The following SNTG2 variants were observed in gnomAD, a reference collection of about 807,000 sequenced individuals.
The protein encoded by SNTG2 is syntrophin gamma 2.
In SNTG2, 74 loss-of-function variants were observed where a neutral mutation model predicts 70.9. The observed-to-expected ratio is 1.04, with a 90% CI of 0.86 to 1.27. The LOEUF (loss-of-function observed/expected upper bound fraction) is 1.27, where lower values mean the gene tolerates loss of function less well. Among genes scored for constraint, SNTG2 ranks in the 50% most tolerant of loss-of-function variants. The pLI is 0.00. For synonymous variants in SNTG2, 278 were observed against 273.8 expected (o/e 1.02, Z -0.15); for missense variants, 717 against 690.7 (o/e 1.04, Z -0.43).
intron 8 of SNTG2, among the ~76,000 whole-genome samples, chr2:1,197,098 G>C (rs1267817330): frequency 6.6e-6 from 1 of 152,034 alleles, no homozygotes; most frequent in Non-Finnish European, 1.5e-5. Context: ...AAAATGACAG[G>C]AATAAGTCCT....
At chr2:1,137,598 G>A (rs1207721733) in intron 4 of SNTG2, 24 bp from the exon 5 acceptor site, 1 of 1,610,574 alleles carries the variant, frequency 6.2e-7, no homozygotes, top group Non-Finnish European at 8.5e-7. Context: ...TCTTAAAACT[G>A]TTGCCACTTT....
At chr2:1,119,007 A>G (rs75303680) in intron 4 of SNTG2, among the ~76,000 whole-genome samples, 1 of 152,326 alleles carries the variant, frequency 6.6e-6, no homozygotes, top group East Asian at 1.9e-4. Context: ...AGGCAAAAAA[A>G]GGATAATTTT....
chr2:1,229,419 G>A (rs988066443), intron 9 of SNTG2, among the ~76,000 whole-genome samples: 24 of 152,168 alleles, frequency 1.6e-4, no homozygotes, highest in Non-Finnish European at 3.2e-4. Context: ...GGTGCTGATT[G>A]GCGTGTTTAC....
chr2:969,503 G>A (rs1660673371), intron 1 of SNTG2, among the ~76,000 whole-genome samples: 1 of 152,100 alleles, frequency 6.6e-6, no homozygotes, highest in East Asian at 1.9e-4. Context: ...AGCATGGAAT[G>A]TTTTTCTGTT....
chr2:1,242,652 A>G (rs1407577749), intron 11 of SNTG2: 1 of 152,182 alleles, frequency 6.6e-6, no homozygotes, highest in Non-Finnish European at 1.5e-5. Context: ...TAATTTAGGT[A>G]GCTATTGATG....
intron 1 of SNTG2, among the ~76,000 whole-genome samples, chr2:1,043,669 A>C (rs943197284): frequency 6.6e-6 from 1 of 152,152 alleles, no homozygotes; most frequent in Non-Finnish European, 1.5e-5. Flanking sequence ...CTGAATAGGA[A>C]GTTCTTTACC....
chr2:1,197,762 G>A (rs529629452), intron 8 of SNTG2, among the ~76,000 whole-genome samples: 1 of 151,878 alleles, frequency 6.6e-6, no homozygotes, highest in Non-Finnish European at 1.5e-5. Context: ...TCAAACTCCC[G>A]GGCTCAAGTG....
intron 1 of SNTG2, among the ~76,000 whole-genome samples, chr2:1,037,563 G>A (rs1280913757): frequency 1.3e-5 from 2 of 152,034 alleles, no homozygotes; most frequent in South Asian, 2.1e-4. Context: ...CTGGATTTGC[G>A]ACTTCTGAGG....
chr2:1,319,835 A>G (rs1319595330), intron 16 of SNTG2, among the ~76,000 whole-genome samples: 1 of 152,250 alleles, frequency 6.6e-6, no homozygotes, highest in African/African-American at 2.4e-5. Context: ...ACAGAAAGTT[A>G]GAACATGGCA....
intron 2 of SNTG2, among the ~76,000 whole-genome samples, chr2:1,091,508 C>T (rs1036878959): frequency 7.2e-5 from 11 of 152,166 alleles, no homozygotes; most frequent in Non-Finnish European, 4.4e-5. Context: ...AAGGTCATGG[C>T]GGCCGGGGGC....
chr2:1,341,986 C>T (rs1158457072), intron 16 of SNTG2, among the ~76,000 whole-genome samples: 1 of 152,094 alleles, frequency 6.6e-6, no homozygotes, highest in Admixed American at 6.6e-5. Flanking sequence ...ACTGGGATTA[C>T]AGCTGTGCAC....
chr2:978,517 T>C (rs1362332753), intron 1 of SNTG2, among the ~76,000 whole-genome samples: 1 of 152,036 alleles, frequency 6.6e-6, no homozygotes, highest in Non-Finnish European at 1.5e-5. Flanking sequence ...GGTATAAATT[T>C]TCCCTGTCTT....
At chr2:993,116 G>A (rs1362242527) in intron 1 of SNTG2, among the ~76,000 whole-genome samples, 1 of 143,184 alleles carries the variant, frequency 7.0e-6, no homozygotes, top group Non-Finnish European at 1.5e-5. Flanking sequence ...GGGTACATGT[G>A]CACATTGTGC....
In SNTG2 at chr2:1,229,148, G is replaced by A. The variant is rs758764790; in HGVS notation, c.720-8740G>A. ...CCACAGTGTGGAAGGGGACCGGAGC[G>A]GGTTGCCACTGCTGGCTTGGGCAGC... is the stretch of plus-strand genomic sequence containing the variant. On this transcript the variant is annotated intron_variant, in intron 9 of 16. Transcript: ENST00000308624. 3.3e-5 allele frequency among the ~76,000 whole-genome samples: 5 copies of A among 152,108 alleles called. No individual in the cohort carries two copies. The South Asian group carries it at 8.3e-4, about 25-fold the overall frequency.
intron 1 of SNTG2, among the ~76,000 whole-genome samples, chr2:962,231 C>T (rs1186166586): frequency 6.6e-6 from 1 of 152,160 alleles, no homozygotes; most frequent in Non-Finnish European, 1.5e-5. Context: ...ATGCCACTAT[C>T]CCGGCTAACT....
intron 14 of SNTG2, among the ~76,000 whole-genome samples, chr2:1,306,685 A>AGAGTGTGT (rs1553276236): frequency 6.7e-6 from 1 of 149,006 alleles, no homozygotes; most frequent in Non-Finnish European, 1.5e-5. Context: ...CCAGGGTGTG[A>AGAGTGTGT]GTGTGTGTGT....
chr2:1,272,862 A>C (rs35010399), intron 14 of SNTG2, among the ~76,000 whole-genome samples: 45,668 of 150,632 alleles, frequency 0.3, 7,890 homozygotes, highest in African/African-American at 0.47. Flanking sequence ...TCCCACGGAG[A>C]AGGTGCAGAA....
chr2:1,024,203 T>C (rs1213636247), intron 1 of SNTG2, among the ~76,000 whole-genome samples: 1 of 152,118 alleles, frequency 6.6e-6, no homozygotes, highest in Non-Finnish European at 1.5e-5. Context: ...GAAAAAGATA[T>C]TTATTTGAAA....
At chr2:1,192,662 C>T (rs191385948) in intron 8 of SNTG2, among the ~76,000 whole-genome samples, 50 of 152,200 alleles carry the variant, frequency 3.3e-4, no homozygotes, top group Non-Finnish European at 1.5e-4. Context: ...CAGGAAATTT[C>T]GAGCTTGCGT....
Sources: allele counts gnomAD v4.1 joint callset (sites outside exome capture counted in the v4.1 genomes callset), GRCh38; gene constraint gnomAD v4.1.1; transcripts MANE v1.5; gene names NCBI Gene and HGNC (gene_info 2026-07-23, HGNC 2026-07-21).